PCDH7: variants seen among roughly 807,000 people sequenced by gnomAD.
The protein encoded by PCDH7 is protocadherin 7.
In PCDH7, 17 loss-of-function variants were observed where a neutral mutation model predicts 58.9. The observed-to-expected ratio is 0.29, with a 90% CI of 0.20 to 0.43. PCDH7 has a LOEUF of 0.43. Ranked by LOEUF, PCDH7 falls within the 20% of genes least tolerant of loss-of-function variation. PCDH7 has a pLI of 1.00. For missense variants in PCDH7, 1,274 were observed against 1,441.0 expected, an observed-to-expected ratio of 0.88 and a Z score of 1.88; for synonymous variants, 664 against 616.4, an observed-to-expected ratio of 1.08 and a Z score of -1.14.
At chr4:30,991,273 C>T (rs1331897616) in intron 3 of PCDH7, among the ~76,000 whole-genome samples, 4 of 152,174 alleles carry the variant, frequency 2.6e-5, no homozygotes, top group African/African-American at 7.2e-5. Context: ...GGTCAGTTTT[C>T]GTTTTGCCAG....
chr4:30,958,442 A>G (rs1026348392), intron 3 of PCDH7, among the ~76,000 whole-genome samples: 7 of 152,030 alleles, frequency 4.6e-5, no homozygotes, highest in Non-Finnish European at 8.8e-5. Context: ...CAAAAGAAAT[A>G]CACCCTTATA....
At chr4:30,854,387 G>A (rs1733184228) in intron 1 of PCDH7, among the ~76,000 whole-genome samples, 1 of 150,602 alleles carries the variant, frequency 6.6e-6, no homozygotes. Flanking sequence ...AAGAATTTAG[G>A]GAACTGGGTT....
At chr4:30,888,176 C>G (rs1201728781) in intron 1 of PCDH7, among the ~76,000 whole-genome samples, 1 of 152,030 alleles carries the variant, frequency 6.6e-6, no homozygotes, top group African/African-American at 2.4e-5. Flanking sequence ...GCCCAGCCGG[C>G]CCATTTCTTT....
chr4:30,933,825 G>A (rs1310374946), intron 2 of PCDH7, among the ~76,000 whole-genome samples: 1 of 152,122 alleles, frequency 6.6e-6, no homozygotes, highest in Non-Finnish European at 1.5e-5. Flanking sequence ...ATAATTCTCA[G>A]GTAATTCTCA....
chr4:31,084,920 G>T (rs903196723), intron 3 of PCDH7, among the ~76,000 whole-genome samples: 8 of 152,064 alleles, frequency 5.3e-5, no homozygotes, highest in African/African-American at 1.9e-4. Context: ...TGCCCCCGTG[G>T]TCCAAACACC....
intron 1 of PCDH7, among the ~76,000 whole-genome samples, chr4:30,873,299 C>T (rs1256565168): frequency 6.6e-6 from 1 of 151,932 alleles, no homozygotes; most frequent in Non-Finnish European, 1.5e-5. Context: ...TGCTTTAGAG[C>T]TAACTTTGGT....
intron 3 of PCDH7, among the ~76,000 whole-genome samples, chr4:31,080,292 A>T (rs1417448793): frequency 6.6e-6 from 1 of 151,774 alleles, no homozygotes; most frequent in South Asian, 2.1e-4. Context: ...TTTTTTTTTA[A>T]CTAGCATATC....
chr4:30,844,949 G>A (rs190949446), intron 1 of PCDH7, among the ~76,000 whole-genome samples: 15 of 152,216 alleles, frequency 9.9e-5, no homozygotes, highest in Admixed American at 7.9e-4. Context: ...CATCAAAAGT[G>A]CATCTTTGAA....
At chr4:30,853,609 A>G (rs1221296740) in intron 1 of PCDH7, among the ~76,000 whole-genome samples, 1 of 152,040 alleles carries the variant, frequency 6.6e-6, no homozygotes, top group Non-Finnish European at 1.5e-5. Flanking sequence ...TATCACTAAG[A>G]GGTGGCATAT....
At chr4:31,098,984 C>T (rs1714538982) in intron 3 of PCDH7, among the ~76,000 whole-genome samples, 1 of 152,118 alleles carries the variant, frequency 6.6e-6, no homozygotes. Flanking sequence ...CATAAAGGCA[C>T]CAGTCTTATT....
intron 3 of PCDH7, among the ~76,000 whole-genome samples, chr4:31,079,323 T>TAG (rs1380034941): frequency 2.7e-5 from 1 of 37,696 alleles, no homozygotes; most frequent in Non-Finnish European, 4.9e-5. Flanking sequence ...TATATATATA[T>TAG]ATATATATAT....
At chr4:30,788,592 CTCTT>C (rs1560371172) in intron 1 of PCDH7, among the ~76,000 whole-genome samples, 1 of 152,054 alleles carries the variant, frequency 6.6e-6, no homozygotes, top group African/African-American at 2.4e-5. Context: ...TTTTAACAGT[CTCTT>C]AAAAGATAAT....
intron 3 of PCDH7, among the ~76,000 whole-genome samples, chr4:31,040,640 G>A (rs1335800894): frequency 6.6e-6 from 1 of 152,074 alleles, no homozygotes; most frequent in Non-Finnish European, 1.5e-5. Flanking sequence ...TAAAAATGAA[G>A]CAAAAATTTA....
intron 3 of PCDH7, among the ~76,000 whole-genome samples, chr4:31,118,327 G>A (rs1717243816): frequency 6.6e-6 from 1 of 152,130 alleles, no homozygotes; most frequent in Non-Finnish European, 1.5e-5. Context: ...ACTGGGAACT[G>A]TAAATTATCT....
intron 1 of PCDH7, among the ~76,000 whole-genome samples, chr4:30,825,047 T>C (rs888832860): frequency 6.6e-6 from 1 of 152,094 alleles, no homozygotes; most frequent in Non-Finnish European, 1.5e-5. Flanking sequence ...TGTGGATGTG[T>C]TGTATTCATG....
chr4:30,896,889 C>CTTATTTTTTTTT (rs1739468800), intron 1 of PCDH7, among the ~76,000 whole-genome samples: 1 of 27,338 alleles, frequency 3.7e-5, no homozygotes, highest in African/African-American at 1.6e-4. Context: ...TAGTTCTTTG[C>CTTATTTTTTTTT]TTTTTTTTTT....
In PCDH7 at chr4:31,034,715, G is replaced by A. The variant is rs56826303; in HGVS notation, c.*7+84500G>A. 6.0e-3 allele frequency among the ~76,000 whole-genome samples: 917 copies of A among 151,696 alleles called. 9 individuals are homozygous for A. The highest frequency in any genetic ancestry group is 0.021 in the African/African-American group (859 of 41,308). On this transcript the variant is annotated intron_variant, in intron 3 of 3. Coordinates refer to the PCDH7 transcript ENST00000509759. ...GCTTCCACATTTATCCTATAATCTC[G>A]CCGTCTGTTTCACTGACATGGCAGA...
intron 2 of PCDH7, among the ~76,000 whole-genome samples, chr4:30,921,075 T>C (rs952510510): frequency 1.3e-5 from 2 of 152,188 alleles, no homozygotes; most frequent in African/African-American, 2.4e-5. Flanking sequence ...TACATTTAGA[T>C]TGCAAATAGC....
At chr4:30,873,644 C>T (rs1316301628) in intron 1 of PCDH7, among the ~76,000 whole-genome samples, 1 of 151,866 alleles carries the variant, frequency 6.6e-6, no homozygotes, top group African/African-American at 2.4e-5. Context: ...GTCTGATATT[C>T]ATGGGGTCAT....
Sources: allele counts gnomAD v4.1 joint callset (sites outside exome capture counted in the v4.1 genomes callset), GRCh38; gene constraint gnomAD v4.1.1; transcripts MANE v1.5; gene names NCBI Gene and HGNC (gene_info 2026-07-23, HGNC 2026-07-21).